SLC35F3: variants seen among roughly 807,000 people sequenced by gnomAD.
SLC35F3 encodes the protein solute carrier family 35 member F3.
SLC35F3 carries 25 observed loss-of-function variants against 49.9 expected under a neutral mutation model. That is an observed-to-expected ratio of 0.50 (90% CI 0.37 to 0.70). The LOEUF is 0.70. Ranked by LOEUF, SLC35F3 falls within the 30% of genes least tolerant of loss-of-function variation. SLC35F3 has a pLI of 0.00. For missense variants in SLC35F3, 525 were observed against 639.8 expected, an observed-to-expected ratio of 0.82 and a Z score of 1.94; for synonymous variants, 275 against 265.4, an observed-to-expected ratio of 1.04 and a Z score of -0.35.
chr1:234,279,753 TG>T (rs1421623692), intron 3 of SLC35F3, among the ~76,000 whole-genome samples: 2 of 152,182 alleles, frequency 1.3e-5, no homozygotes, highest in Non-Finnish European at 2.9e-5. Context: ...AAAATGATTA[TG>T]GCCAAAGCCT....
chr1:234,291,785 G>A (rs758109569), intron 3 of SLC35F3, among the ~76,000 whole-genome samples: 1 of 152,150 alleles, frequency 6.6e-6, no homozygotes, highest in Non-Finnish European at 1.5e-5. Context: ...CGCTAATTAG[G>A]GTAATCTTGC....
chr1:234,112,518 A>T (rs1665421988), intron 2 of SLC35F3, among the ~76,000 whole-genome samples: 1 of 148,458 alleles, frequency 6.7e-6, no homozygotes, highest in South Asian at 2.1e-4. Context: ...GTGTTTGGAA[A>T]TTTTACCCAA....
chr1:234,270,021 T>C (rs897695917), intron 3 of SLC35F3, among the ~76,000 whole-genome samples: 9 of 152,184 alleles, frequency 5.9e-5, no homozygotes, highest in African/African-American at 2.2e-4. Flanking sequence ...GGTATTCCTT[T>C]ATAGCAACAC....
chr1:233,994,099 A>G (rs1663416276), intron 2 of SLC35F3, among the ~76,000 whole-genome samples: 1 of 152,214 alleles, frequency 6.6e-6, no homozygotes, highest in African/African-American at 2.4e-5. Context: ...TAGATTTGAA[A>G]CATTTGTTAC....
chr1:234,023,284 A>G (rs1402083787), intron 2 of SLC35F3, among the ~76,000 whole-genome samples: 2 of 152,214 alleles, frequency 1.3e-5, no homozygotes, highest in Non-Finnish European at 2.9e-5. Flanking sequence ...AAATATACAG[A>G]TAAGCCTGGA....
chr1:234,037,978 T>A (rs570045993), intron 2 of SLC35F3, among the ~76,000 whole-genome samples: 6 of 151,870 alleles, frequency 4.0e-5, no homozygotes, highest in African/African-American at 1.5e-4. Flanking sequence ...TTATTATTAT[T>A]ATACTTTAAG....
intron 2 of SLC35F3, among the ~76,000 whole-genome samples, chr1:233,908,045 G>C (rs547759237): frequency 2.0e-5 from 3 of 152,304 alleles, no homozygotes; most frequent in Non-Finnish European, 2.9e-5. Flanking sequence ...TTTTAAGGCA[G>C]AACTTTTGCT....
chr1:234,117,750 G>C (rs1029770897), intron 2 of SLC35F3, among the ~76,000 whole-genome samples: 4 of 151,522 alleles, frequency 2.6e-5, no homozygotes, highest in African/African-American at 9.7e-5. Context: ...GCCGGGCGTG[G>C]TGGTGGGCGC....
chr1:234,153,360 G>A (rs1461067746), intron 2 of SLC35F3, among the ~76,000 whole-genome samples: 1 of 152,176 alleles, frequency 6.6e-6, no homozygotes. Flanking sequence ...TATAATTCCA[G>A]CACTTAGGGA....
In SLC35F3 at chr1:234,083,839, CTT is replaced by C. The variant is rs35359755; in HGVS notation, c.284-147564_284-147563del. On this transcript the variant is annotated intron_variant, in intron 2 of 7. Coordinates refer to ENST00000366618, the MANE Select transcript of SLC35F3 (RefSeq NM_173508.4). ...AAACAACATTTGTTTTTGGTTTTGGCTTTTTTTTTTTTTTTGAGATGGAGTTT... is the reference window on the plus strand; with the variant it reads ...AAACAACATTTGTTTTTGGTTTTGGCTTTTTTTTTTTTTGAGATGGAGTTT... Among the ~76,000 whole-genome samples the C allele has an allele frequency of 1.6e-3, 222 of 138,122 alleles. 1 individual carries two copies. The highest frequency in any genetic ancestry group is 3.6e-3 in the Middle Eastern group (1 of 276). 90.6% of individuals were successfully genotyped at this position (138,122 alleles called of 152,430 possible).
chr1:234,262,404 T>C (rs917218888), intron 3 of SLC35F3, among the ~76,000 whole-genome samples: 45 of 152,226 alleles, frequency 3.0e-4, no homozygotes, highest in African/African-American at 1.1e-3. Flanking sequence ...ACTTTGAGAA[T>C]ACATGCATTA....
At chr1:234,067,207 T>C (rs1335065252) in intron 2 of SLC35F3, among the ~76,000 whole-genome samples, 1 of 152,224 alleles carries the variant, frequency 6.6e-6, no homozygotes, top group Non-Finnish European at 1.5e-5. Flanking sequence ...TGAGGCTTTT[T>C]GAGATCTCAA....
At chr1:233,995,518 G>C (rs1190460240) in intron 2 of SLC35F3, among the ~76,000 whole-genome samples, 3 of 152,202 alleles carry the variant, frequency 2.0e-5, no homozygotes, top group African/African-American at 7.2e-5. Context: ...CTTGTGTTAA[G>C]ACTGATTACT....
At chr1:234,139,133 C>T (rs1317523033) in intron 2 of SLC35F3, among the ~76,000 whole-genome samples, 3 of 152,204 alleles carry the variant, frequency 2.0e-5, no homozygotes, top group Non-Finnish European at 4.4e-5. Context: ...GGAAGACAAC[C>T]TCTTTATGTC....
intron 2 of SLC35F3, among the ~76,000 whole-genome samples, chr1:233,951,128 C>A (rs1276836897): frequency 6.6e-6 from 1 of 151,272 alleles, no homozygotes; most frequent in African/African-American, 2.4e-5. Flanking sequence ...TATGCCTGGA[C>A]ATGGTAAATC....
Position 234,231,604 on chromosome 1 carries a change from G to A in SLC35F3, c.471G>A (p.Lys157=), listed in dbSNP as rs775713653. 6.8e-6 allele frequency: 11 copies of A among 1,614,110 alleles called. No homozygotes were observed. The South Asian group carries it at 7.7e-5, about 11-fold the overall frequency. ...GGGCGGGCTCCACGCAGCTCGCCAA[G>A]CTGACCTTCAGGAAGTTCGACGCGC... ...SSWAGSTQLA[K]LTFRKFDAPF... The change falls in exon 3 of 8, where the codon AAG becomes AAA. Residue 157 remains lysine (K), a synonymous_variant. Coordinates refer to ENST00000366618, the MANE Select transcript of SLC35F3 (RefSeq NM_173508.4). This position sits in a 1 kb window ranked among gnomAD's most constrained non-coding sequence, Gnocchi z 5.4.
At chr1:234,255,126 TG>T (rs1271103325) in intron 3 of SLC35F3, among the ~76,000 whole-genome samples, 1 of 152,206 alleles carries the variant, frequency 6.6e-6, no homozygotes, top group Non-Finnish European at 1.5e-5. Context: ...GATGAAAGAC[TG>T]ATATCTAAAA....
chr1:233,993,444 A>G (rs1474635771), intron 2 of SLC35F3, among the ~76,000 whole-genome samples: 5 of 152,244 alleles, frequency 3.3e-5, no homozygotes, highest in African/African-American at 1.2e-4. Flanking sequence ...TAAAACTCAC[A>G]GCTTTCTTTA....
chr1:234,314,076 A>G (rs546442668), intron 4 of SLC35F3, among the ~76,000 whole-genome samples: 60 of 152,308 alleles, frequency 3.9e-4, no homozygotes, highest in African/African-American at 1.3e-3. Flanking sequence ...TGGAAGGCCC[A>G]CAGCCAGGGA....
Sources: allele counts gnomAD v4.1 joint callset (sites outside exome capture counted in the v4.1 genomes callset), GRCh38; gene constraint gnomAD v4.1.1; non-coding constraint Gnocchi (gnomAD v3.1); transcripts MANE v1.5; gene names NCBI Gene and HGNC (gene_info 2026-07-23, HGNC 2026-07-21).